The following NAPRT variants were observed in gnomAD, a reference collection of about 807,000 sequenced individuals.
The protein encoded by NAPRT is FHA-HIT-interacting protein.
A neutral mutation model predicts 60.7 loss-of-function variants in NAPRT; 66 were observed. The ratio of observed to expected loss-of-function variants is 1.09; its 90% CI spans 0.89 to 1.33. The LOEUF (loss-of-function observed/expected upper bound fraction) is 1.33. Ranked by LOEUF, NAPRT falls within the 40% of genes most tolerant of loss-of-function variation. NAPRT has a pLI of 0.00. For missense variants in NAPRT, 818 were observed against 731.5 expected (o/e 1.12, Z -1.36); for synonymous variants, 405 against 335.7 (o/e 1.21, Z -2.26).
Position 143,578,292 on chromosome 8 carries a change from C to T in NAPRT, c.27G>A (p.Ala9=). 4 of 1,403,944 alleles carry T rather than the reference C, an allele frequency of 2.8e-6. No individual in the cohort carries two copies. Among genetic ancestry groups the T allele is most frequent in the African/African-American group, 3.0e-5 (2 of 65,850 alleles). The allele number at this position is 1,403,944 out of a possible 1,614,324, so 87.0% of individuals were successfully genotyped here. The change falls in exon 1 of 13, where the codon GCG becomes GCA. Residue 9 remains alanine, a synonymous_variant. Coordinates refer to ENST00000449291, the MANE Select transcript of NAPRT (RefSeq NM_145201.6). MAAEQDPE[A]RAAARPLLTD... is the part of the protein sequence containing the mutation. ...TGAGCAGCGGCCGCGCCGCCGCGCG[C>T]GCCTCGGGGTCCTGCTCCGCCGCCA...
In NAPRT at chr8:143,577,156, A is replaced by C; in HGVS notation, c.590T>G (p.Val197Gly). The change falls in exon 5 of 13, where the codon GTG (valine) becomes GGG (glycine). Residue 197 changes from valine (V) to glycine (G), a missense_variant. By Grantham distance (109) the Val-to-Gly change is moderately radical (BLOSUM62 -3). Transcript: ENST00000449291. Reference protein sequence around the residue: ...YLGGFDSSSNVLAGQLRGVPV... With the variant: ...YLGGFDSSSNGLAGQLRGVPV... ...CACACCTCGCAGCTGGCCCGCTAGC[A>C]CGTTGCTGCTGCTGTCGAAGCCTGG... 6.2e-7 allele frequency: 1 copy of C among 1,612,522 alleles called. No homozygotes were observed. Among genetic ancestry groups the C allele is most frequent in the Non-Finnish European group, 8.5e-7 (1 of 1,179,650 alleles).
intron 7 of NAPRT, 90 bp from the exon 8 acceptor site, chr8:143,576,252 C>A: frequency 1.4e-6 from 2 of 1,411,458 alleles, no homozygotes; most frequent in South Asian, 1.4e-5. Flanking sequence ...CCGCCTCAGT[C>A]AAGGACACCT....
At chr8:143,575,743 G>C in intron 8 of NAPRT, 41 bp from the exon 9 acceptor site, 2 of 1,431,142 alleles carry the variant, frequency 1.4e-6, no homozygotes, top group South Asian at 2.6e-5. Context: ...AGCTGCCCTG[G>C]GTGGGGAAGG....
Position 143,576,726 on chromosome 8 carries a change from G to T in NAPRT, c.801C>A (p.Gly267=), listed in dbSNP as rs367736565. The T allele has an allele frequency of 1.2e-6, 2 of 1,608,724 alleles. No individual in the cohort carries two copies. The highest frequency in any genetic ancestry group is 2.1e-4 in the Middle Eastern group (1 of 4,758). ...CATAGGCCACAAAGGCTGCCCGCTC[G>T]CCTGGATGCGGCTCCTGCACCCCCA... The part of the protein sequence containing the change: ...LGLGVQEPHP[G]ERAAFVAYAL... Residue 267 remains glycine, a synonymous_variant, in exon 6 of 13, where the codon GGC becomes GGA. Coordinates refer to ENST00000449291, the MANE Select transcript of NAPRT (RefSeq NM_145201.6).
chr8:143,575,773 G>C, intron 8 of NAPRT, 71 bp from the exon 9 acceptor site: 1 of 800,932 alleles, frequency 1.2e-6, no homozygotes, highest in South Asian at 2.1e-5. Flanking sequence ...TGCCCTGGGT[G>C]GGGAAGGAGG....
Position 143,577,260 on chromosome 8 carries a change from G to C in NAPRT, c.568+9C>G. The C allele has an allele frequency of 6.2e-7, 1 of 1,608,716 alleles. No homozygotes were observed. The highest frequency in any genetic ancestry group is 8.5e-7 in the Non-Finnish European group (1 of 1,177,502). On this transcript the variant is annotated intron_variant, in intron 4 of 12. Coordinates refer to ENST00000449291, the MANE Select transcript of NAPRT (RefSeq NM_145201.6). ...CCGGCCCTTGCCTTGCCCCGCACCA[G>C]ACACTCACCGCCCAGGTAGCTGTAG...
At chr8:143,575,161 G>A (rs1328955551) in intron 11 of NAPRT, 30 bp downstream of exon 11, 8 of 1,591,362 alleles carry the variant, frequency 5.0e-6, no homozygotes, top group South Asian at 1.1e-5. Flanking sequence ...CCGGGGCTGG[G>A]GGTCAGGATG....
rs749202369 is a variant in NAPRT at position 143,578,082 on chromosome 8, C to A, written c.226+11G>T. 7 of 1,507,208 alleles carry A rather than the reference C, an allele frequency of 4.6e-6. No individual in the cohort carries two copies. The African/African-American group carries it at 9.9e-5, about 21-fold the overall frequency. 93.4% of individuals were successfully genotyped at this position (1,507,208 alleles called of 1,614,324 possible). A position where few individuals can be genotyped will look rare whatever the true frequency, so the allele number is the denominator to read the frequency against. On this transcript the variant is annotated intron_variant, in intron 1 of 12. Coordinates refer to ENST00000449291, the MANE Select transcript of NAPRT (RefSeq NM_145201.6). ...GGGCGTGGGGGGCTCGTCGCGCGGACGGGGGACTACCGGCGTCCCGCAGGC... is the reference window on the plus strand; with the variant it reads ...GGGCGTGGGGGGCTCGTCGCGCGGAAGGGGGACTACCGGCGTCCCGCAGGC...
rs749389473 is a variant in NAPRT at position 143,575,618 on chromosome 8, C to A, written c.1188+4G>T. On this transcript the variant is annotated splice_donor_region_variant and intron_variant, in intron 9 of 12. Transcript: ENST00000449291. ...CCCACCTGGGCCCCCGACACTGTCC[C>A]TACCTTATAGACGCCACCCAGGGAA... 1.3e-6 allele frequency: 2 copies of A among 1,592,168 alleles called. No homozygotes were observed. The highest frequency in any genetic ancestry group is 2.3e-5 in the East Asian group (1 of 44,122).
rs1318535153 is a variant in NAPRT, at chr8:143,577,074, C to T, written c.672G>A (p.Val224=). ...AGGAGGGACTGACCGGGTCAGGGGGCACCTCGCTGCCTGAAAAGGAAGTGA... is the reference window on the plus strand; with the variant it reads ...AGGAGGGACTGACCGGGTCAGGGGGTACCTCGCTGCCTGAAAAGGAAGTGA... The part of the protein sequence containing the change: ...SFVTSFSGSE[V]PPDPMLAPAA... Residue 224 remains valine, a synonymous_variant, in exon 5 of 13, where the codon GTG becomes GTA. Transcript: ENST00000449291. The T allele has an allele frequency of 6.2e-7, 1 of 1,612,806 alleles. No individual in the cohort carries two copies. Among genetic ancestry groups the T allele is most frequent in the Admixed American group, 1.7e-5 (1 of 60,012 alleles).
chr8:143,576,749 C>G lies in NAPRT; in HGVS notation c.778G>C (p.Gly260Arg), dbSNP rs373667786. 3 of 1,607,802 alleles carry G rather than the reference C, an allele frequency of 1.9e-6. No homozygotes were observed. Among genetic ancestry groups the G allele is most frequent in the East Asian group, 2.2e-5 (1 of 44,688 alleles). Residue 260 changes from glycine to arginine, a missense_variant, in exon 6 of 13, where the codon GGG becomes CGG. Coordinates refer to ENST00000449291, the MANE Select transcript of NAPRT (RefSeq NM_145201.6). The part of the protein sequence containing the change: ...LEQVCAHLGL[G>R]VQEPHPGERA... ...TCGCCTGGATGCGGCTCCTGCACCCCCAGCCCCAGGTGGGCACACACCTGC... is the reference window on the plus strand; with the variant it reads ...TCGCCTGGATGCGGCTCCTGCACCCGCAGCCCCAGGTGGGCACACACCTGC...
intron 8 of NAPRT, 51 bp downstream of exon 8, chr8:143,576,027 G>A: frequency 6.8e-7 from 1 of 1,460,808 alleles, no homozygotes; most frequent in Non-Finnish European, 9.2e-7. Flanking sequence ...AACCTGCAGG[G>A]GCCCCCAGAG....
At chr8:143,576,230 C>A in intron 7 of NAPRT, 68 bp from the exon 8 acceptor site, 1 of 1,459,226 alleles carries the variant, frequency 6.9e-7, no homozygotes. Context: ...TGGTGTCCCC[C>A]TGCTCCCCGC....
rs549138833 is a variant in NAPRT, at chr8:143,577,880, C to T, written c.290G>A (p.Arg97Gln). ...DTDPAFFEHLRALDCSEVTVR... is the reference protein window; with the variant it reads ...DTDPAFFEHLQALDCSEVTVR... ...CGTCACCTCGGAGCAGTCGAGGGCC[C>T]GAAGGTGCTCGAAGAACGCAGGATC... Residue 97 changes from arginine to glutamine, a missense_variant, in exon 2 of 13, where the codon CGG (arginine) becomes CAG (glutamine). By Grantham distance (43) the Arg-to-Gln change is conservative. Coordinates refer to ENST00000449291, the MANE Select transcript of NAPRT (RefSeq NM_145201.6). 8 of 1,612,258 alleles carry T rather than the reference C, an allele frequency of 5.0e-6. No homozygotes were observed. The African/African-American group carries it at 9.3e-5, about 19-fold the overall frequency.
chr8:143,577,363 G>T lies in NAPRT; in HGVS notation c.474C>A (p.Ile158=). ...VATNAARLRL[I]AGPEKRLLEM... ...CTAGCAGCCGCTTCTCTGGCCCTGCGATCAAGCGAAGCCGCGCTGCGTTGG... is the reference window on the plus strand; with the variant it reads ...CTAGCAGCCGCTTCTCTGGCCCTGCTATCAAGCGAAGCCGCGCTGCGTTGG... The change falls in exon 4 of 13, where the codon ATC becomes ATA. Residue 158 remains isoleucine, a synonymous_variant. Coordinates refer to ENST00000449291, the MANE Select transcript of NAPRT (RefSeq NM_145201.6). 6.2e-7 allele frequency: 1 copy of T among 1,608,266 alleles called. No homozygotes were observed. The highest frequency in any genetic ancestry group is 8.5e-7 in the Non-Finnish European group (1 of 1,178,320).
chr8:143,577,090 A>G lies in NAPRT; in HGVS notation c.656T>C (p.Phe219Ser). The change falls in exon 5 of 13, where the codon TTT (phenylalanine) becomes TCT (serine). Residue 219 changes from phenylalanine to serine, a missense_variant. Transcript: ENST00000449291. ...GTCAGGGGGCACCTCGCTGCCTGAA[A>G]AGGAAGTGACGAAGGAGTGGGCCAG... is the stretch of plus-strand genomic sequence containing the variant. The part of the protein sequence containing the change: ...GTLAHSFVTS[F>S]SGSEVPPDPM... 1 of 1,613,032 alleles carries G rather than the reference A, an allele frequency of 6.2e-7. No individual in the cohort carries two copies. Among genetic ancestry groups the G allele is most frequent in the Non-Finnish European group, 8.5e-7 (1 of 1,179,944 alleles).
At chr8:143,577,630 G>A (rs1176662292) in intron 3 of NAPRT, 27 bp downstream of exon 3, 2 of 1,534,426 alleles carry the variant, frequency 1.3e-6, no homozygotes, top group Admixed American at 2.0e-5. Context: ...CCATGCCCAC[G>A]CTCCCTGCCA....
downstream of NAPRT, chr8:143,574,739 G>GC: frequency 6.9e-7 from 1 of 1,441,484 alleles, no homozygotes. Context: ...GGGAGGCGCA[G>GC]CCCGTGGGCT....
chr8:143,574,676 A>T (rs1490924598), downstream of NAPRT: 2 of 833,306 alleles, frequency 2.4e-6, no homozygotes, highest in African/African-American at 3.4e-5. Flanking sequence ...CTGGGATGCA[A>T]ATCTTCCTGC....
Sources: allele counts gnomAD v4.1 joint callset, GRCh38; gene constraint gnomAD v4.1.1; transcripts MANE v1.5; gene names NCBI Gene and HGNC (gene_info 2026-07-23, HGNC 2026-07-21).